The following CRTC3 variants were observed in gnomAD, a reference collection of about 807,000 sequenced individuals.
The protein encoded by CRTC3 is CREB-regulated transcription coactivator 3.
CRTC3 carries 26 observed loss-of-function variants against 74.5 expected under a neutral mutation model. The observed-to-expected ratio is 0.35, with a 90% CI of 0.26 to 0.48. The LOEUF (loss-of-function observed/expected upper bound fraction) is 0.48. CRTC3 is among the 20% of genes least tolerant of loss of function. The pLI is 0.99. For synonymous variants in CRTC3, 377 were observed against 325.8 expected (o/e 1.16, Z -1.69); for missense variants, 760 against 787.3 (o/e 0.97, Z 0.41).
intron 2 of CRTC3, among the ~76,000 whole-genome samples, chr15:90,562,469 GAC>G (rs1967032987): frequency 6.6e-6 from 1 of 152,114 alleles, no homozygotes; most frequent in Admixed American, 6.5e-5. Flanking sequence ...AGCAAGTGTA[GAC>G]ACACAAAACC....
At position 90,614,432 on chromosome 15, in the gene CRTC3, TTC is replaced by T. The variant is rs767979886; in HGVS notation, c.578-19_578-18del. The T allele has an allele frequency of 2.5e-6, 4 of 1,592,508 alleles. No individual in the cohort carries two copies. The highest frequency in any genetic ancestry group is 3.4e-6 in the Non-Finnish European group (4 of 1,161,686). ...TACCACATAAAAGTGTTTTCTTTTTTTCTTTTTCCTTTCCCGCTAGGTTTCTG... is the reference window on the plus strand; with the variant it reads ...TACCACATAAAAGTGTTTTCTTTTTTTTTTTCCTTTCCCGCTAGGTTTCTG... On this transcript the variant is annotated intron_variant, in intron 6 of 14. Coordinates refer to ENST00000268184, the MANE Select transcript of CRTC3 (RefSeq NM_022769.5).
chr15:90,603,421 T>C (rs547169136), intron 4 of CRTC3, among the ~76,000 whole-genome samples: 21 of 152,024 alleles, frequency 1.4e-4, no homozygotes, highest in East Asian at 7.7e-4. Flanking sequence ...CCAGCCTGGG[T>C]GACAGAGCGA....
chr15:90,562,791 C>T lies in CRTC3; in HGVS notation c.231+22654C>T, dbSNP rs1048787545. On this transcript the variant is annotated intron_variant, in intron 2 of 14. Transcript: ENST00000268184. ...AAGAAAGGCCAGAGTTGGGAGGCAA[C>T]AGCCTGGATGGAAGAGGGGGGTCAG... 1.3e-4 allele frequency among the ~76,000 whole-genome samples: 20 copies of T among 152,036 alleles called. No individual in the cohort carries two copies. The East Asian group carries it at 3.7e-3, about 28-fold the overall frequency.
chr15:90,545,665 C>T (rs1346296096), intron 2 of CRTC3, among the ~76,000 whole-genome samples: 1 of 152,070 alleles, frequency 6.6e-6, no homozygotes, highest in African/African-American at 2.4e-5. Flanking sequence ...CAACCTCCGC[C>T]TCCTGGGTTC....
In CRTC3 at chr15:90,629,141, T is replaced by C. The variant is rs888676970; in HGVS notation, c.968-93T>C. The C allele has an allele frequency of 6.7e-6, 8 of 1,202,596 alleles. No individual in the cohort carries two copies. In the Admixed American group the frequency reaches 9.3e-5, roughly 14 times the overall value. The allele number at this position is 1,202,596 out of a possible 1,614,324, so 74.5% of individuals were successfully genotyped here. A position where few individuals can be genotyped will look rare whatever the true frequency, so the allele number is the denominator to read the frequency against. ...AGCTCCTTTACCTACAGAATCATCA[T>C]CGCATGTGACAGTAGACAGTTTTCT... On this transcript the variant is annotated intron_variant, in intron 10 of 14. Transcript: ENST00000268184.
At chr15:90,551,783 T>G (rs935744786) in intron 2 of CRTC3, among the ~76,000 whole-genome samples, 1 of 7,858 alleles carries the variant, frequency 1.3e-4, no homozygotes, top group African/African-American at 5.5e-4. Flanking sequence ...AACCTCCACT[T>G]AACTGCTCTG....
At chr15:90,561,048 A>G (rs917209145) in intron 2 of CRTC3, among the ~76,000 whole-genome samples, 14 of 152,206 alleles carry the variant, frequency 9.2e-5, no homozygotes, top group Admixed American at 8.5e-4. Flanking sequence ...TTCCACCACT[A>G]ACTAGCACTG....
At chr15:90,558,482 C>G (rs1966941928) in intron 2 of CRTC3, among the ~76,000 whole-genome samples, 1 of 152,184 alleles carries the variant, frequency 6.6e-6, no homozygotes, top group South Asian at 2.1e-4. Context: ...CCACACATCT[C>G]TCCAACACCC....
intron 13 of CRTC3, 96 bp downstream of exon 13, chr15:90,638,911 T>C: frequency 5.9e-6 from 6 of 1,020,568 alleles, no homozygotes; most frequent in Non-Finnish European, 9.1e-6. Context: ...AGACCAGACA[T>C]GCCACTTTCC....
At chr15:90,599,611 AAG>A (rs1968016600) in intron 3 of CRTC3, 1 of 152,220 alleles carries the variant, frequency 6.6e-6, no homozygotes, top group Non-Finnish European at 1.5e-5. Flanking sequence ...AGTGAAAATT[AAG>A]AGAGCTCAGA....
chr15:90,599,687 A>G (rs1051132695), intron 3 of CRTC3, among the ~76,000 whole-genome samples: 9 of 152,236 alleles, frequency 5.9e-5, no homozygotes, highest in African/African-American at 1.7e-4. Flanking sequence ...GGAATTTACT[A>G]TATTTTCATG....
At chr15:90,547,889 C>CT (rs34721161) in intron 2 of CRTC3, among the ~76,000 whole-genome samples, 47 of 100,442 alleles carry the variant, frequency 4.7e-4, no homozygotes, top group East Asian at 1.6e-3. Context: ...TTTTCGTATC[C>CT]TTTTTTTTTT....
intron 1 of CRTC3, among the ~76,000 whole-genome samples, chr15:90,534,052 G>C (rs1349859614): frequency 2.0e-5 from 3 of 152,190 alleles, no homozygotes; most frequent in Non-Finnish European, 4.4e-5. Context: ...AACTATGTGA[G>C]ATTTGCTTTT....
rs565596187 is a variant in CRTC3, at chr15:90,609,305, C to G, written c.577+1827C>G. Among the ~76,000 whole-genome samples, 8 of 152,258 alleles carry G rather than the reference C, an allele frequency of 5.3e-5. No individual in the cohort carries two copies. In the East Asian group the frequency reaches 1.5e-3, roughly 29 times the overall value. On this transcript the variant is annotated intron_variant, in intron 6 of 14. Transcript: ENST00000268184. Reference sequence around the variant, plus strand: ...TTGATGTTGGAATTGGATATGGGTGCACTGCTCACTGCTTAGAGGAGTGGG... The same window carrying G: ...TTGATGTTGGAATTGGATATGGGTGGACTGCTCACTGCTTAGAGGAGTGGG...
intron 8 of CRTC3, among the ~76,000 whole-genome samples, chr15:90,618,521 A>G (rs1240323817): frequency 1.3e-5 from 2 of 152,200 alleles, no homozygotes; most frequent in Admixed American, 6.5e-5. Flanking sequence ...CCCACTGTGG[A>G]AGAAAGGGGA....
chr15:90,593,171 A>C (rs979146276), intron 2 of CRTC3, among the ~76,000 whole-genome samples: 5 of 152,176 alleles, frequency 3.3e-5, no homozygotes, highest in African/African-American at 4.8e-5. Flanking sequence ...AACAAACAAA[A>C]AAAATTCTGA....
rs111997730 is a variant in CRTC3 at position 90,530,234 on chromosome 15, G to A, written c.132+31G>A. Reference sequence around the variant, plus strand: ...GGCCCGGGCCGGCGCGGGCGGGGGCGGCCACGGCCGCGGGCGGGACCCGCG... The same window carrying A: ...GGCCCGGGCCGGCGCGGGCGGGGGCAGCCACGGCCGCGGGCGGGACCCGCG... On this transcript the variant is annotated intron_variant, in intron 1 of 14. Transcript: ENST00000268184. The surrounding 1 kb of genome is among the most constrained non-coding windows in gnomAD (Gnocchi z 6.2). 1.5e-6 allele frequency: 1 copy of A among 664,128 alleles called. No individual in the cohort carries two copies. Among genetic ancestry groups the A allele is most frequent in the African/African-American group, 2.9e-5 (1 of 34,176 alleles). The allele number at this position is 664,128 out of a possible 1,614,324, so 41.1% of individuals were successfully genotyped here.
chr15:90,604,526 G>A, intron 5 of CRTC3, 79 bp downstream of exon 5: 1 of 1,098,596 alleles, frequency 9.1e-7, no homozygotes, highest in Admixed American at 1.8e-5. Context: ...GCATCCAGTT[G>A]CCAGAGTGTG....
In CRTC3 at chr15:90,641,212, T is replaced by C; in HGVS notation, c.1651+13T>C. 6.5e-7 allele frequency: 1 copy of C among 1,536,710 alleles called. No individual in the cohort carries two copies. On this transcript the variant is annotated intron_variant, in intron 14 of 14. Transcript: ENST00000268184. ...ACCATCCTGCCAGGTGAGCGAGCTA[T>C]CCCTCAGCTTCTTTACTGCTTTTAT...
Sources: gnomAD v4.1 joint callset for allele counts (sites outside exome capture counted in the v4.1 genomes callset) on GRCh38, gnomAD v4.1.1 for gene constraint, Gnocchi (gnomAD v3.1) non-coding constraint, MANE v1.5 for transcripts, NCBI Gene and HGNC (gene_info 2026-07-23, HGNC 2026-07-21) for gene names.